PDE1A: variants seen among roughly 807,000 people sequenced by gnomAD.
PDE1A encodes dual specificity calcium/calmodulin-dependent 3',5'-cyclic nucleotide phosphodiesterase 1A.
PDE1A carries 35 observed loss-of-function variants against 61.7 expected under a neutral mutation model. The ratio of observed to expected loss-of-function variants is 0.57; its 90% CI spans 0.43 to 0.75. The LOEUF (loss-of-function observed/expected upper bound fraction) is 0.75. PDE1A is among the 30% of genes least tolerant of loss of function. PDE1A has a pLI of 0.00. For synonymous variants in PDE1A, 232 were observed against 213.2 expected, an observed-to-expected ratio of 1.09 and a Z score of -0.77; for missense variants, 597 against 630.6, an observed-to-expected ratio of 0.95 and a Z score of 0.57.
At chr2:182,505,368 T>C (rs1465344935) in intron 2 of PDE1A, among the ~76,000 whole-genome samples, 1 of 152,172 alleles carries the variant, frequency 6.6e-6, no homozygotes, top group Non-Finnish European at 1.5e-5. Flanking sequence ...GACTTTTACC[T>C]CAATCTTAAC....
At chr2:182,654,485 T>C in the PDE1A span, among the ~76,000 whole-genome samples, 4 of 152,224 alleles carry the variant, frequency 2.6e-5, no homozygotes, top group Non-Finnish European at 5.9e-5. Context: ...TAGCATCTGC[T>C]CTTCCAAGGT....
intron 2 of PDE1A, among the ~76,000 whole-genome samples, chr2:182,450,526 A>T (rs1008616109): frequency 2.0e-5 from 3 of 149,690 alleles, no homozygotes; most frequent in Admixed American, 6.7e-5. Context: ...TATACCAATG[A>T]CATCAAGCTA....
the PDE1A span, among the ~76,000 whole-genome samples, chr2:182,574,528 TTACA>T: frequency 6.6e-6 from 1 of 152,200 alleles, no homozygotes; most frequent in African/African-American, 2.4e-5. Context: ...CCAAATACTA[TTACA>T]TAAAGTTAAC....
At chr2:182,634,802 T>C in the PDE1A span, among the ~76,000 whole-genome samples, 3 of 152,206 alleles carry the variant, frequency 2.0e-5, no homozygotes, top group Admixed American at 1.3e-4. Context: ...ATTAAAATGA[T>C]CAAAATTCAC....
At chr2:182,447,168 A>C (rs985838779) in intron 2 of PDE1A, among the ~76,000 whole-genome samples, 4 of 151,496 alleles carry the variant, frequency 2.6e-5, no homozygotes, top group African/African-American at 9.7e-5. Flanking sequence ...TCATATTTTA[A>C]ATATCACTGT....
intron 11 of PDE1A, among the ~76,000 whole-genome samples, chr2:182,188,233 A>G (rs1685406258): frequency 6.6e-6 from 1 of 152,174 alleles, no homozygotes; most frequent in South Asian, 2.1e-4. Context: ...TGGTCTCTAG[A>G]AAAACAGCTG....
intron 13 of PDE1A, among the ~76,000 whole-genome samples, chr2:182,177,647 T>C (rs1461760472): frequency 2.0e-5 from 3 of 152,118 alleles, no homozygotes; most frequent in African/African-American, 7.2e-5. Context: ...GGTACCATGC[T>C]ATTTTGGTTA....
Position 182,426,560 on chromosome 2 carries a change from C to G in PDE1A, c.53+18G>C, listed in dbSNP as rs189174043. ...TTCCTGACAGCCCTAGAGCCACCTG[C>G]GATGTAGCATTACTTACCTAAAGAT... On this transcript the variant is annotated intron_variant, in intron 1 of 13. Coordinates refer to ENST00000351439, the Ensembl canonical transcript of PDE1A. 4 of 1,537,900 alleles carry G rather than the reference C, an allele frequency of 2.6e-6. No homozygotes were observed. The South Asian group carries it at 4.5e-5, about 17-fold the overall frequency.
chr2:182,594,493 C>G, the PDE1A span, among the ~76,000 whole-genome samples: 3 of 152,216 alleles, frequency 2.0e-5, no homozygotes, highest in Admixed American at 1.3e-4. Flanking sequence ...TAAGAAACCT[C>G]TAAGTTGCAA....
the PDE1A span, among the ~76,000 whole-genome samples, chr2:182,587,654 C>T: frequency 1.3e-5 from 2 of 152,096 alleles, no homozygotes; most frequent in Middle Eastern, 3.2e-3. Flanking sequence ...AAAATCAAAT[C>T]GATGGCTGAT....
the PDE1A span, among the ~76,000 whole-genome samples, chr2:182,608,423 C>T: frequency 6.6e-6 from 1 of 152,230 alleles, no homozygotes; most frequent in Non-Finnish European, 1.5e-5. Flanking sequence ...TGGCCAAGGC[C>T]CAAGCCGGCT....
At chr2:182,364,493 A>AAAAAAAAAAAAAAAAAC in intron 1 of PDE1A, among the ~76,000 whole-genome samples, 1 of 144,790 alleles carries the variant, frequency 6.9e-6, no homozygotes, top group Non-Finnish European at 1.5e-5. Flanking sequence ...AAAAAAAAAA[A>AAAAAAAAAAAAAAAAAC]AAAAAACCTT....
chr2:182,497,016 T>C (rs1409094428), intron 2 of PDE1A, among the ~76,000 whole-genome samples: 3 of 152,222 alleles, frequency 2.0e-5, no homozygotes, highest in South Asian at 2.1e-4. Context: ...ATGGAGTTGG[T>C]ATATGGTCTT....
chr2:182,642,013 T>A, the PDE1A span, among the ~76,000 whole-genome samples: 27 of 152,296 alleles, frequency 1.8e-4, no homozygotes, highest in African/African-American at 6.3e-4. Context: ...TTGCATTTAA[T>A]CATAAAGACA....
chr2:182,401,785 T>C (rs550211461), intron 1 of PDE1A, among the ~76,000 whole-genome samples: 1 of 152,342 alleles, frequency 6.6e-6, no homozygotes, highest in South Asian at 2.1e-4. Context: ...CCTCACTGTC[T>C]CAGCTCAAAA....
intron 7 of PDE1A, among the ~76,000 whole-genome samples, chr2:182,213,100 TCCCTGAC>T (rs762605527): frequency 1.3e-5 from 2 of 150,282 alleles, no homozygotes; most frequent in African/African-American, 4.9e-5. Context: ...CTCAAGTGGG[TCCCTGAC>T]CCCTGACCCC....
intron 1 of PDE1A, among the ~76,000 whole-genome samples, chr2:182,312,238 A>G (rs1267456611): frequency 6.6e-6 from 1 of 151,936 alleles, no homozygotes; most frequent in South Asian, 2.1e-4. Context: ...TTCCCTGTCC[A>G]TGGCATCTTT....
At chr2:182,589,277 AAGGAAG>A in the PDE1A span, among the ~76,000 whole-genome samples, 2 of 58,090 alleles carry the variant, frequency 3.4e-5, no homozygotes, top group African/African-American at 7.9e-5. Context: ...GGGAGGAAGG[AAGGAAG>A]GAAGGAAGGA....
chr2:182,399,283 A>G (rs1701870878), intron 1 of PDE1A, among the ~76,000 whole-genome samples: 1 of 151,996 alleles, frequency 6.6e-6, no homozygotes, highest in East Asian at 1.9e-4. Context: ...ATGAATTTTG[A>G]CACATGCATA....
Sources: gnomAD v4.1 joint callset for allele counts (sites outside exome capture counted in the v4.1 genomes callset) on GRCh38, gnomAD v4.1.1 for gene constraint, MANE v1.5 for transcripts, NCBI Gene and HGNC (gene_info 2026-07-23, HGNC 2026-07-21) for gene names.